CCDC149: variants seen among roughly 807,000 people sequenced by gnomAD.
CCDC149 encodes coiled-coil domain containing 149.
Under a neutral mutation model 59.9 loss-of-function variants are expected in CCDC149, and 45 were observed. That is an observed-to-expected ratio of 0.75 (90% CI 0.59 to 0.96). CCDC149 has a LOEUF of 0.96. CCDC149 is among the 40% of genes least tolerant of loss of function. The pLI is 0.00. For synonymous variants in CCDC149, 245 were observed against 260.6 expected, an observed-to-expected ratio of 0.94 and a Z score of 0.58; for missense variants, 584 against 664.7, an observed-to-expected ratio of 0.88 and a Z score of 1.33.
At chr4:24,861,172 T>C (rs373970827) in intron 3 of CCDC149, among the ~76,000 whole-genome samples, 77 of 152,234 alleles carry the variant, frequency 5.1e-4, no homozygotes, top group African/African-American at 1.6e-3. Context: ...TGCATGTTTG[T>C]AGCAGCACAA....
Position 24,860,376 on chromosome 4 carries a change from T to C in CCDC149, c.265-7197A>G, listed in dbSNP as rs190024499. Among the ~76,000 whole-genome samples, 6 of 152,310 alleles carry C rather than the reference T, an allele frequency of 3.9e-5. No individual in the cohort carries two copies. The East Asian group carries it at 7.7e-4, about 20-fold the overall frequency. On this transcript the variant is annotated intron_variant, in intron 3 of 12. Coordinates refer to ENST00000635206, the MANE Select transcript of CCDC149 (RefSeq NM_001330643.2). ...CCCTATTCAACAAACGGTGCTGTGA[T>C]AATTGGAAAGGCGCACGTAGAGGAA...
intron 1 of CCDC149, among the ~76,000 whole-genome samples, chr4:24,965,164 A>G (rs1355467841): frequency 6.6e-6 from 1 of 151,258 alleles, no homozygotes; most frequent in Non-Finnish European, 1.5e-5. Flanking sequence ...ACATGGTACT[A>G]TATTAGAAGC....
rs979676974 is a variant in CCDC149, at chr4:24,837,880, C to T, written c.489+276G>A. 1.3e-5 allele frequency among the ~76,000 whole-genome samples: 2 copies of T among 152,210 alleles called. No individual in the cohort carries two copies. Among genetic ancestry groups the T allele is most frequent in the Admixed American group, 6.5e-5 (1 of 15,290 alleles). ...CTTGCAAAGTAAGGCCAGTTTGTCACGTGTTGTTCTCTCCCTGTCTATCCT... is the reference window on the plus strand; with the variant it reads ...CTTGCAAAGTAAGGCCAGTTTGTCATGTGTTGTTCTCTCCCTGTCTATCCT... On this transcript the variant is annotated intron_variant, in intron 5 of 12. Transcript: ENST00000635206. The surrounding 1 kb of genome is among the most constrained non-coding windows in gnomAD (Gnocchi z 4.3).
chr4:24,813,118 A>G (rs1343417623), intron 12 of CCDC149, among the ~76,000 whole-genome samples: 1 of 152,038 alleles, frequency 6.6e-6, no homozygotes, highest in Non-Finnish European at 1.5e-5. Flanking sequence ...GGTCCCTCAT[A>G]ATGGGATTTG....
In CCDC149 at chr4:24,836,538, G is replaced by A. The variant is rs201431780; in HGVS notation, c.663-30C>T. 2.1e-6 allele frequency: 3 copies of A among 1,433,810 alleles called. No homozygotes were observed. The East Asian group carries it at 6.8e-5, about 33-fold the overall frequency. 88.8% of individuals were successfully genotyped at this position (1,433,810 alleles called of 1,614,324 possible). Reference sequence around the variant, plus strand: ...AAAAGAATACATAAAACTAGGAGGTGTTTAAGGGCTAAATAAAAAACACAC... The same window carrying A: ...AAAAGAATACATAAAACTAGGAGGTATTTAAGGGCTAAATAAAAAACACAC... On this transcript the variant is annotated intron_variant, in intron 6 of 12. Coordinates refer to ENST00000635206, the MANE Select transcript of CCDC149 (RefSeq NM_001330643.2).
At chr4:24,858,842 C>T (rs1016633812) in intron 3 of CCDC149, among the ~76,000 whole-genome samples, 5 of 152,150 alleles carry the variant, frequency 3.3e-5, no homozygotes, top group African/African-American at 9.7e-5. Flanking sequence ...CAACCTCTTC[C>T]CAACTGTTTG....
upstream of CCDC149, among the ~76,000 whole-genome samples, chr4:24,913,166 C>T (rs1722002927): frequency 6.6e-6 from 1 of 151,938 alleles, no homozygotes; most frequent in Non-Finnish European, 1.5e-5. Flanking sequence ...GCGCCTCCTG[C>T]CCGGCCTCTA....
chr4:24,875,562 T>G (rs1189763888), intron 2 of CCDC149, among the ~76,000 whole-genome samples: 1 of 151,862 alleles, frequency 6.6e-6, no homozygotes, highest in Non-Finnish European at 1.5e-5. Context: ...CTCAAACTCC[T>G]GGGCTCAAGC....
chr4:24,808,318 C>T lies in CCDC149; in HGVS notation c.*71G>A. On this transcript the variant is annotated 3_prime_UTR_variant, in exon 13 of 13. Transcript: ENST00000635206. ...TTCAGGAGAAGGCGACGTGAGCGCA[C>T]CATTCCGATGCTTCATTCTTGACCC... 2 of 1,353,574 alleles carry T rather than the reference C, an allele frequency of 1.5e-6. No individual in the cohort carries two copies. Among genetic ancestry groups the T allele is most frequent in the Non-Finnish European group, 1.9e-6 (2 of 1,031,890 alleles). The allele number at this position is 1,353,574 out of a possible 1,614,324, so 83.8% of individuals were successfully genotyped here.
At chr4:24,943,787 A>T (rs1723019020) in intron 1 of CCDC149, among the ~76,000 whole-genome samples, 1 of 152,256 alleles carries the variant, frequency 6.6e-6, no homozygotes, top group South Asian at 2.1e-4. Context: ...GAAGACATTT[A>T]TGTCGCCAAA....
chr4:24,896,860 G>C (rs1046223249), intron 1 of CCDC149, among the ~76,000 whole-genome samples: 7 of 148,734 alleles, frequency 4.7e-5, no homozygotes, highest in African/African-American at 1.7e-4. Flanking sequence ...TGGACCAAAA[G>C]AAAAAAAAAA....
chr4:24,808,336 C>A lies in CCDC149; in HGVS notation c.*53G>T, dbSNP rs1218887702. The A allele has an allele frequency of 7.1e-7, 1 of 1,407,978 alleles. No homozygotes were observed. Among genetic ancestry groups the A allele is most frequent in the African/African-American group, 1.4e-5 (1 of 69,188 alleles). The allele number at this position is 1,407,978 out of a possible 1,614,324, so 87.2% of individuals were successfully genotyped here. Reference sequence around the variant, plus strand: ...GAGCGCACCATTCCGATGCTTCATTCTTGACCCTCTCTGGGGCTTTCAATG... The same window carrying A: ...GAGCGCACCATTCCGATGCTTCATTATTGACCCTCTCTGGGGCTTTCAATG... On this transcript the variant is annotated 3_prime_UTR_variant, in exon 13 of 13. Transcript: ENST00000635206.
rs1019229 is a variant in CCDC149, at chr4:24,808,262, T to C, written c.*127A>G. On this transcript the variant is annotated 3_prime_UTR_variant, in exon 13 of 13. Transcript: ENST00000635206. ...TATTCACAGTTTGCAACAGGATCAG[T>C]GCGTTTTCTCACTTGCAGACTCGGA... The C allele has an allele frequency of 0.89, 669,913 of 753,082 alleles. 298,263 individuals are homozygous for C. Among genetic ancestry groups the C allele is most frequent in the East Asian group, 0.93 (32,068 of 34,494 alleles). 46.6% of individuals were successfully genotyped at this position (753,082 alleles called of 1,614,324 possible).
intron 2 of CCDC149, 132 bp downstream of exon 2, chr4:24,876,404 C>A (rs922330636): frequency 8.7e-6 from 8 of 917,506 alleles, no homozygotes; most frequent in Non-Finnish European, 1.3e-5. Flanking sequence ...GAGGTGGTGA[C>A]TTTTACTTCT....
downstream of CCDC149, among the ~76,000 whole-genome samples, chr4:24,804,218 C>T (rs1046263834): frequency 2.6e-5 from 4 of 152,056 alleles, no homozygotes; most frequent in East Asian, 1.9e-4. Context: ...ACAGGCCGGG[C>T]GCAGTGGCTC....
intron 4 of CCDC149, among the ~76,000 whole-genome samples, chr4:24,846,929 C>G (rs1717325721): frequency 6.6e-6 from 1 of 152,262 alleles, no homozygotes; most frequent in South Asian, 2.1e-4. Flanking sequence ...AGAAGACCAA[C>G]TGCCATCTGT....
intron 1 of CCDC149, among the ~76,000 whole-genome samples, chr4:24,941,024 C>T (rs189972985): frequency 2.0e-4 from 30 of 152,278 alleles, no homozygotes; most frequent in African/African-American, 6.3e-4. Flanking sequence ...AGGAATTGAA[C>T]TCAGCTCTGC....
intron 1 of CCDC149, among the ~76,000 whole-genome samples, chr4:24,954,371 T>C (rs954160069): frequency 6.6e-6 from 1 of 152,190 alleles, no homozygotes; most frequent in Admixed American, 6.5e-5. Context: ...AAGACTCCAC[T>C]ATGTTTTGTG....
chr4:24,832,912 TG>T (rs1716251597), intron 8 of CCDC149, among the ~76,000 whole-genome samples: 1 of 152,228 alleles, frequency 6.6e-6, no homozygotes, highest in African/African-American at 2.4e-5. Context: ...TATGCTTGGC[TG>T]GGCTTGAAAT....
Sources: allele counts gnomAD v4.1 joint callset (sites outside exome capture counted in the v4.1 genomes callset), GRCh38; gene constraint gnomAD v4.1.1; non-coding constraint Gnocchi (gnomAD v3.1); transcripts MANE v1.5; gene names NCBI Gene and HGNC (gene_info 2026-07-23, HGNC 2026-07-21).